The following THSD4 variants were observed in gnomAD, a reference collection of about 807,000 sequenced individuals.
THSD4 encodes thrombospondin type 1 domain containing 4.
In THSD4, 69 loss-of-function variants were observed where a neutral mutation model predicts 119.0. The observed-to-expected ratio is 0.58, with a 90% CI of 0.48 to 0.71. The LOEUF (loss-of-function observed/expected upper bound fraction) is 0.71. Among genes scored for constraint, THSD4 ranks in the 30% least tolerant of loss-of-function variants. THSD4 has a pLI of 0.00. For missense variants in THSD4, 1,393 were observed against 1,391.1 expected, an observed-to-expected ratio of 1.00 and a Z score of -0.02; for synonymous variants, 524 against 540.4, an observed-to-expected ratio of 0.97 and a Z score of 0.42.
At chr15:71,234,306 G>C (rs963295774) in intron 4 of THSD4, among the ~76,000 whole-genome samples, 1 of 152,116 alleles carries the variant, frequency 6.6e-6, no homozygotes, top group African/African-American at 2.4e-5. Flanking sequence ...CTGCCTTTTG[G>C]TTCCTCCCTC....
chr15:71,459,303 C>A (rs910804895), intron 7 of THSD4, among the ~76,000 whole-genome samples: 7 of 150,354 alleles, frequency 4.7e-5, no homozygotes, highest in Non-Finnish European at 8.8e-5. Flanking sequence ...GGACTACAGG[C>A]ATGTGCCACC....
At chr15:71,638,892 C>A (rs2050801690) in intron 7 of THSD4, among the ~76,000 whole-genome samples, 1 of 152,154 alleles carries the variant, frequency 6.6e-6, no homozygotes, top group Admixed American at 6.5e-5. Flanking sequence ...TCAGCAAGGA[C>A]CCTGCTCATT....
At chr15:71,741,362 G>A (rs930153211) in intron 11 of THSD4, among the ~76,000 whole-genome samples, 2 of 152,070 alleles carry the variant, frequency 1.3e-5, no homozygotes, top group Non-Finnish European at 2.9e-5. Flanking sequence ...GCATGGTGAT[G>A]CATGCATGTA....
chr15:71,393,356 G>A (rs944506817), intron 6 of THSD4, among the ~76,000 whole-genome samples: 1 of 151,992 alleles, frequency 6.6e-6, no homozygotes, highest in African/African-American at 2.4e-5. Flanking sequence ...TTTCTTCAGG[G>A]TCACAGTTTC....
chr15:71,518,447 T>G (rs1206678953), intron 7 of THSD4, among the ~76,000 whole-genome samples: 1 of 152,168 alleles, frequency 6.6e-6, no homozygotes, highest in Non-Finnish European at 1.5e-5. Flanking sequence ...AGAGACATCC[T>G]CTGACTGGGT....
chr15:71,453,829 A>G (rs1349935393), intron 7 of THSD4, among the ~76,000 whole-genome samples: 1 of 152,236 alleles, frequency 6.6e-6, no homozygotes, highest in Non-Finnish European at 1.5e-5. Context: ...GCCTGCTGGC[A>G]GCTTCCACAG....
intron 7 of THSD4, among the ~76,000 whole-genome samples, chr15:71,531,526 G>A (rs892218836): frequency 3.3e-5 from 5 of 152,178 alleles, no homozygotes; most frequent in African/African-American, 1.2e-4. Flanking sequence ...TAAGCACCTC[G>A]GCTGTGGAGA....
At chr15:71,570,030 ATTGAG>A (rs2049319585) in intron 7 of THSD4, among the ~76,000 whole-genome samples, 1 of 152,158 alleles carries the variant, frequency 6.6e-6, no homozygotes, top group Admixed American at 6.6e-5. Context: ...TTATTTATTT[ATTGAG>A]TTAAGTAAGT....
intron 7 of THSD4, among the ~76,000 whole-genome samples, chr15:71,543,853 C>A (rs960547018): frequency 1.3e-5 from 2 of 152,022 alleles, no homozygotes; most frequent in South Asian, 4.1e-4. Context: ...CATGGAGAAA[C>A]CCTGTCTCTA....
chr15:71,201,868 G>A (rs902461155), intron 3 of THSD4, among the ~76,000 whole-genome samples: 2 of 152,174 alleles, frequency 1.3e-5, no homozygotes, highest in African/African-American at 4.8e-5. Context: ...AGAGGAGCCC[G>A]CCTTGGTAGC....
In THSD4 at chr15:71,214,075, GCACCAATCAGCACTCTGTAAAAACA is replaced by G. The variant is rs377097110; in HGVS notation, c.100-941_100-917del. On this transcript the variant is annotated intron_variant, in intron 3 of 17. Transcript: ENST00000261862. ...TGTGTCTAGCTAAAGGATTGTAAAT[GCACCAATCAGCACTCTGTAAAAACA>G]CACCAATCAGCACTCTGTGTATAGC... 4.2e-3 allele frequency among the ~76,000 whole-genome samples: 615 copies of G among 146,178 alleles called. 3 individuals are homozygous for G. The highest frequency in any genetic ancestry group is 6.5e-3 in the Non-Finnish European group (444 of 67,934).
In THSD4 at chr15:71,602,581, T is replaced by G. The variant is rs57113604; in HGVS notation, c.1153-57949T>G. ...AAAAAAAAAAAAAAAAAAAAAAAAA[T>G]GAAAAAGAAAAACAGTCTCTATCCC... is the stretch of plus-strand genomic sequence containing the variant. On this transcript the variant is annotated intron_variant, in intron 7 of 17. Coordinates refer to ENST00000261862, the MANE Select transcript of THSD4 (RefSeq NM_024817.3). Among the ~76,000 whole-genome samples, 22 of 89,472 alleles carry G rather than the reference T, an allele frequency of 2.5e-4. 1 individual carries two copies. Among genetic ancestry groups the G allele is most frequent in the African/African-American group, 7.3e-4 (17 of 23,252 alleles). 58.7% of individuals were successfully genotyped at this position (89,472 alleles called of 152,430 possible). A position where few individuals can be genotyped will look rare whatever the true frequency, so the allele number is the denominator to read the frequency against.
intron 7 of THSD4, among the ~76,000 whole-genome samples, chr15:71,453,372 A>T (rs911389063): frequency 6.6e-6 from 1 of 151,964 alleles, no homozygotes; most frequent in Non-Finnish European, 1.5e-5. Flanking sequence ...TTGCTGTCAG[A>T]CCCTTCTGTC....
chr15:71,610,652 T>A (rs2050205915), intron 7 of THSD4, among the ~76,000 whole-genome samples: 1 of 152,226 alleles, frequency 6.6e-6, no homozygotes, highest in South Asian at 2.1e-4. Flanking sequence ...GGGTGACTTA[T>A]GTACCTGTAT....
At chr15:71,117,086 A>G (rs2040369486) in intron 1 of THSD4, among the ~76,000 whole-genome samples, 2 of 152,002 alleles carry the variant, frequency 1.3e-5, no homozygotes, top group Admixed American at 6.5e-5. Context: ...GGCCTGGGAA[A>G]TGAGTTTGGG....
At chr15:71,246,334 C>T (rs947199683) in intron 5 of THSD4, among the ~76,000 whole-genome samples, 5 of 152,172 alleles carry the variant, frequency 3.3e-5, no homozygotes, top group African/African-American at 1.2e-4. Context: ...ATCTGAACAT[C>T]TTCCAGGTTC....
intron 1 of THSD4, among the ~76,000 whole-genome samples, chr15:71,124,587 A>T (rs1386911177): frequency 6.6e-6 from 1 of 152,246 alleles, no homozygotes; most frequent in East Asian, 1.9e-4. Context: ...TGGGGTATTT[A>T]TCAGCTTGAA....
chr15:71,608,835 A>G (rs1391234041), intron 7 of THSD4, among the ~76,000 whole-genome samples: 1 of 152,224 alleles, frequency 6.6e-6, no homozygotes, highest in African/African-American at 2.4e-5. Flanking sequence ...TTCTAATGCA[A>G]TGACTATTAT....
chr15:71,520,900 T>G (rs1397456112), intron 7 of THSD4, among the ~76,000 whole-genome samples: 3 of 152,204 alleles, frequency 2.0e-5, no homozygotes, highest in African/African-American at 4.8e-5. Context: ...GGGGCAATGC[T>G]GCCCAGGAAG....
Sources: allele counts gnomAD v4.1 joint callset (sites outside exome capture counted in the v4.1 genomes callset), GRCh38; gene constraint gnomAD v4.1.1; transcripts MANE v1.5; gene names NCBI Gene and HGNC (gene_info 2026-07-23, HGNC 2026-07-21).